The following SNX29 variants were observed in gnomAD, a reference collection of about 807,000 sequenced individuals.
The protein encoded by SNX29 is sorting nexin-29.
A neutral mutation model predicts 102.1 loss-of-function variants in SNX29; 78 were observed. The ratio of observed to expected loss-of-function variants is 0.76; its 90% CI spans 0.64 to 0.92. The LOEUF (loss-of-function observed/expected upper bound fraction) is 0.92, where lower values mean the gene tolerates loss of function less well. Ranked by LOEUF, SNX29 falls within the 40% of genes least tolerant of loss-of-function variation. SNX29 has a pLI of 0.00. For synonymous variants in SNX29, 580 were observed against 414.5 expected (o/e 1.40, Z -4.85); for missense variants, 1,280 against 1,061.7 (o/e 1.21, Z -2.86).
intron 18 of SNX29, among the ~76,000 whole-genome samples, chr16:12,433,783 C>T (rs1394611725): frequency 6.6e-6 from 1 of 152,136 alleles, no homozygotes; most frequent in Non-Finnish European, 1.5e-5. Flanking sequence ...GAGATTGTGC[C>T]ACTGCACTCC....
intron 18 of SNX29, among the ~76,000 whole-genome samples, chr16:12,431,434 C>CTTTT (rs200189537): frequency 1.5e-5 from 2 of 136,950 alleles, no homozygotes; most frequent in East Asian, 4.1e-4. Context: ...TCTTCTTCTT[C>CTTTT]TTTTTTTTTT....
At chr16:12,170,768 TGTGA>T (rs1025789309) in intron 13 of SNX29, among the ~76,000 whole-genome samples, 1 of 110,700 alleles carries the variant, frequency 9.0e-6, no homozygotes, top group Non-Finnish European at 1.6e-5. Flanking sequence ...GTGAGAGGAG[TGTGA>T]GTGTGTGTGT....
intron 13 of SNX29, among the ~76,000 whole-genome samples, chr16:12,185,850 C>G (rs1262687472): frequency 6.6e-6 from 1 of 152,188 alleles, no homozygotes; most frequent in South Asian, 2.1e-4. Flanking sequence ...GAAAGGGACT[C>G]ATTTGAGGTC....
At chr16:12,363,089 G>A (rs975390764) in intron 16 of SNX29, among the ~76,000 whole-genome samples, 2 of 152,192 alleles carry the variant, frequency 1.3e-5, no homozygotes, top group Non-Finnish European at 2.9e-5. Context: ...TCCTCTGGCA[G>A]GCTGTGATGG....
chr16:12,413,810 T>C (rs2151556456), intron 18 of SNX29, among the ~76,000 whole-genome samples: 1 of 152,288 alleles, frequency 6.6e-6, no homozygotes, highest in East Asian at 1.9e-4. Context: ...GTGGCCTTAC[T>C]CACTTACCGC....
intron 11 of SNX29, among the ~76,000 whole-genome samples, chr16:12,101,385 TA>T (rs1250710846): frequency 7.1e-6 from 1 of 139,932 alleles, no homozygotes; most frequent in African/African-American, 2.8e-5. Flanking sequence ...CCCCCAATTT[TA>T]TTTTTTTTTT....
chr16:12,310,383 A>G (rs889409463), intron 15 of SNX29, among the ~76,000 whole-genome samples: 2 of 152,232 alleles, frequency 1.3e-5, no homozygotes, highest in African/African-American at 4.8e-5. Context: ...TGTTCAGAGC[A>G]ACTTTGTGTT....
chr16:12,476,399 T>TACAC (rs2087624377), intron 18 of SNX29, among the ~76,000 whole-genome samples: 1 of 16,308 alleles, frequency 6.1e-5, no homozygotes, highest in Non-Finnish European at 9.0e-5. Context: ...TATATATATA[T>TACAC]ATATATATAT....
intron 14 of SNX29, among the ~76,000 whole-genome samples, chr16:12,260,439 T>C (rs2078699472): frequency 6.6e-6 from 1 of 152,250 alleles, no homozygotes; most frequent in Non-Finnish European, 1.5e-5. Context: ...GGCTTTGGGC[T>C]TCCTTCCCAT....
In SNX29 at chr16:12,573,703, G is replaced by C. The variant is rs748550436; in HGVS notation, c.*5074G>C. The C allele has an allele frequency of 2.2e-5, 5 of 223,508 alleles. No individual in the cohort carries two copies. Among genetic ancestry groups the C allele is most frequent in the African/African-American group, 6.7e-5 (3 of 44,790 alleles). The allele number at this position is 223,508 out of a possible 1,614,324, so 13.8% of individuals were successfully genotyped here. A position where few individuals can be genotyped will look rare whatever the true frequency, so the allele number is the denominator to read the frequency against. ...GGATGCCCTTGCAAAAATTGGGACT[G>C]AGGACAGTAGCACACGGAATGGTGG... On this transcript the variant is annotated 3_prime_UTR_variant, in exon 21 of 21. Transcript: ENST00000566228.
At chr16:12,116,922 G>A (rs112715537) in intron 11 of SNX29, among the ~76,000 whole-genome samples, 2 of 151,824 alleles carry the variant, frequency 1.3e-5, no homozygotes, top group African/African-American at 4.8e-5. Context: ...CGGTCAATAC[G>A]TGCTTCAACG....
intron 19 of SNX29, among the ~76,000 whole-genome samples, chr16:12,497,447 C>T (rs1236345024): frequency 3.3e-5 from 5 of 152,112 alleles, no homozygotes; most frequent in African/African-American, 4.8e-5. Context: ...AGTGTATCAT[C>T]GTGGATGCTT....
At chr16:12,566,698 G>A (rs538369418) in intron 20 of SNX29, among the ~76,000 whole-genome samples, 1 of 12,546 alleles carries the variant, frequency 8.0e-5, no homozygotes, top group East Asian at 5.7e-4. Context: ...TTCGTAAGTG[G>A]GGTCCCCCAT....
chr16:12,355,083 T>G (rs1199007055), intron 15 of SNX29, among the ~76,000 whole-genome samples: 1 of 152,164 alleles, frequency 6.6e-6, no homozygotes, highest in East Asian at 1.9e-4. Context: ...GATGAAGAAT[T>G]TTAATTCTTT....
At chr16:12,289,676 A>G (rs1005014675) in intron 15 of SNX29, among the ~76,000 whole-genome samples, 2 of 152,142 alleles carry the variant, frequency 1.3e-5, no homozygotes, top group African/African-American at 2.4e-5. Flanking sequence ...AAATGATCCA[A>G]TACTCCTTTT....
chr16:12,501,439 A>G (rs915772500), intron 19 of SNX29, among the ~76,000 whole-genome samples: 2 of 152,034 alleles, frequency 1.3e-5, no homozygotes, highest in African/African-American at 4.8e-5. Context: ...AGACAGTGGT[A>G]GGCCAGACGC....
At chr16:12,349,990 G>A (rs145337209) in intron 15 of SNX29, among the ~76,000 whole-genome samples, 1 of 152,278 alleles carries the variant, frequency 6.6e-6, no homozygotes, top group East Asian at 1.9e-4. Flanking sequence ...ATATGAAATT[G>A]CTTGAAACAT....
At chr16:12,407,974 C>G (rs1365870636) in intron 18 of SNX29, among the ~76,000 whole-genome samples, 2 of 152,062 alleles carry the variant, frequency 1.3e-5, no homozygotes, top group East Asian at 3.9e-4. Context: ...CTACGCAACA[C>G]AGTGAGACCC....
At position 12,572,086 on chromosome 16, in the gene SNX29, G is replaced by A. The variant is rs1204087445; in HGVS notation, c.*3457G>A. On this transcript the variant is annotated 3_prime_UTR_variant, in exon 21 of 21. Transcript: ENST00000566228. ...TCTTGCAAGATCTAGGAAGAGGAAG[G>A]GGAGGGATGTGGACTGGGTCTGATC... 3.8e-6 allele frequency: 4 copies of A among 1,063,504 alleles called. No homozygotes were observed. The highest frequency in any genetic ancestry group is 1.6e-5 in the African/African-American group (1 of 61,092). The allele number at this position is 1,063,504 out of a possible 1,614,324, so 65.9% of individuals were successfully genotyped here. A position where few individuals can be genotyped will look rare whatever the true frequency, so the allele number is the denominator to read the frequency against.
Sources: allele counts gnomAD v4.1 joint callset (sites outside exome capture counted in the v4.1 genomes callset), GRCh38; gene constraint gnomAD v4.1.1; transcripts MANE v1.5; gene names NCBI Gene and HGNC (gene_info 2026-07-23, HGNC 2026-07-21).